The following EVI5 variants were observed in gnomAD, a reference collection of about 807,000 sequenced individuals.
EVI5 encodes the protein ecotropic viral integration site 5.
Under a neutral mutation model 112.0 loss-of-function variants are expected in EVI5, and 73 were observed. That is an observed-to-expected ratio of 0.65 (90% CI 0.54 to 0.79). EVI5 has a LOEUF of 0.79. Ranked by LOEUF, EVI5 falls within the 30% of genes least tolerant of loss-of-function variation. The pLI is 0.00. For synonymous variants in EVI5, 305 were observed against 319.9 expected (o/e 0.95, Z 0.50); for missense variants, 900 against 968.8 (o/e 0.93, Z 0.94).
At chr1:92,775,611 T>C (rs1235010068) in intron 1 of EVI5, among the ~76,000 whole-genome samples, 1 of 152,288 alleles carries the variant, frequency 6.6e-6, no homozygotes, top group East Asian at 1.9e-4. Context: ...GTGTGTATAG[T>C]AGGCTCTATT....
chr1:92,618,460 A>C (rs987866942), intron 16 of EVI5, among the ~76,000 whole-genome samples: 1 of 152,254 alleles, frequency 6.6e-6, no homozygotes, highest in Non-Finnish European at 1.5e-5. Context: ...ACTGACCCGG[A>C]CTATCAAGAT....
chr1:92,776,414 A>G (rs1003175671), intron 1 of EVI5, among the ~76,000 whole-genome samples: 1 of 152,180 alleles, frequency 6.6e-6, no homozygotes, highest in African/African-American at 2.4e-5. Context: ...AAAGAATAAC[A>G]AAGCTATTAG....
At chr1:92,581,050 ATTG>A (rs1671854058) in intron 18 of EVI5, among the ~76,000 whole-genome samples, 1 of 152,138 alleles carries the variant, frequency 6.6e-6, no homozygotes, top group African/African-American at 2.4e-5. Flanking sequence ...TATAAACTAA[ATTG>A]TTGTGCTATT....
chr1:92,688,264 T>C (rs901009765), intron 9 of EVI5, among the ~76,000 whole-genome samples: 1 of 152,190 alleles, frequency 6.6e-6, no homozygotes, highest in Non-Finnish European at 1.5e-5. Context: ...ACCATGATTC[T>C]ACACAAACTA....
chr1:92,738,273 C>A (rs893629095), intron 1 of EVI5, among the ~76,000 whole-genome samples: 1 of 152,126 alleles, frequency 6.6e-6, no homozygotes, highest in Non-Finnish European at 1.5e-5. Context: ...CAACTATAAA[C>A]TCAATTGTGA....
chr1:92,765,548 A>G (rs1682496662), intron 1 of EVI5, among the ~76,000 whole-genome samples: 2 of 151,672 alleles, frequency 1.3e-5, no homozygotes, highest in African/African-American at 2.4e-5. Flanking sequence ...AAGACCCAGA[A>G]AAGTTATAAA....
At chr1:92,597,810 G>C (rs922280553) in intron 18 of EVI5, among the ~76,000 whole-genome samples, 5 of 152,214 alleles carry the variant, frequency 3.3e-5, no homozygotes, top group African/African-American at 1.2e-4. Flanking sequence ...TGTAGTCCCA[G>C]CACTTTGGGA....
chr1:92,590,139 C>T (rs185698917), intron 18 of EVI5, among the ~76,000 whole-genome samples: 2 of 152,064 alleles, frequency 1.3e-5, no homozygotes, highest in African/African-American at 2.4e-5. Context: ...GAAGACCAAA[C>T]GTAGATAAAA....
intron 2 of EVI5, among the ~76,000 whole-genome samples, chr1:92,725,458 T>C (rs1001413561): frequency 2.0e-5 from 3 of 151,950 alleles, no homozygotes; most frequent in African/African-American, 7.3e-5. Context: ...AAATAGAAAA[T>C]AGTCAAACAC....
At chr1:92,539,751 T>G (rs980285823) in intron 19 of EVI5, among the ~76,000 whole-genome samples, 5 of 152,134 alleles carry the variant, frequency 3.3e-5, no homozygotes, top group Admixed American at 3.3e-4. Context: ...GAGTGTACAA[T>G]TTGATGGCTT....
intron 11 of EVI5, among the ~76,000 whole-genome samples, chr1:92,664,505 G>C (rs1230779640): frequency 8.5e-6 from 1 of 117,070 alleles, no homozygotes; most frequent in Non-Finnish European, 1.8e-5. Context: ...AAAAAACTAA[G>C]AAGATGCATA....
At chr1:92,750,530 G>C (rs1011669801) in intron 1 of EVI5, among the ~76,000 whole-genome samples, 2 of 152,092 alleles carry the variant, frequency 1.3e-5, no homozygotes. Context: ...CATTTTAGGG[G>C]TCACAAACTC....
chr1:92,744,600 T>TCA (rs961223051), intron 1 of EVI5, among the ~76,000 whole-genome samples: 26 of 28,060 alleles, frequency 9.3e-4, no homozygotes, highest in African/African-American at 2.2e-3. Flanking sequence ...TCTCTCTCTC[T>TCA]CACACACACA....
chr1:92,739,418 C>T (rs976208), intron 1 of EVI5, among the ~76,000 whole-genome samples: 139,867 of 152,144 alleles, frequency 0.92, 64,369 homozygotes, highest in East Asian at 0.97. Flanking sequence ...AGAAGTAGAT[C>T]AGTAATTTCC....
chr1:92,649,318 G>A (rs1281740360), intron 13 of EVI5, among the ~76,000 whole-genome samples: 1 of 152,108 alleles, frequency 6.6e-6, no homozygotes, highest in African/African-American at 2.4e-5. Context: ...CCATTCTACA[G>A]GTTGCCTTTT....
intron 1 of EVI5, among the ~76,000 whole-genome samples, chr1:92,743,846 A>G (rs1678826126): frequency 6.6e-6 from 1 of 151,954 alleles, no homozygotes; most frequent in Non-Finnish European, 1.5e-5. Context: ...CCTGTTTTCT[A>G]TTTCACTGAT....
chr1:92,653,714 C>T (rs1662544216), intron 13 of EVI5, among the ~76,000 whole-genome samples: 1 of 152,210 alleles, frequency 6.6e-6, no homozygotes, highest in African/African-American at 2.4e-5. Context: ...CCTCTCCATG[C>T]AGAGCAGCAG....
rs537309478 is a variant in EVI5 at position 92,738,365 on chromosome 1, G to A, written c.-81-1738C>T. Among the ~76,000 whole-genome samples the A allele has an allele frequency of 1.1e-4, 17 of 151,848 alleles. No individual in the cohort carries two copies. In the South Asian group the frequency reaches 2.1e-3, roughly 19 times the overall value. On this transcript the variant is annotated intron_variant, in intron 1 of 19. Coordinates refer to ENST00000684568, the MANE Select transcript of EVI5 (RefSeq NM_001350197.2). ...TAATGTATAAAATTTACAGAAAAACGGAAGAAAACCTAATGTATAAAATTT... is the reference window on the plus strand; with the variant it reads ...TAATGTATAAAATTTACAGAAAAACAGAAGAAAACCTAATGTATAAAATTT...
chr1:92,571,503 G>T (rs1670318537), intron 18 of EVI5, among the ~76,000 whole-genome samples: 1 of 151,992 alleles, frequency 6.6e-6, no homozygotes, highest in Non-Finnish European at 1.5e-5. Flanking sequence ...AAAAGTCTGT[G>T]ATTTTTATGT....
Sources: gnomAD v4.1 joint callset for allele counts (sites outside exome capture counted in the v4.1 genomes callset) on GRCh38, gnomAD v4.1.1 for gene constraint, MANE v1.5 for transcripts, NCBI Gene and HGNC (gene_info 2026-07-23, HGNC 2026-07-21) for gene names.